The following ROBO2 variants were observed in gnomAD, a reference collection of about 807,000 sequenced individuals.
ROBO2 encodes roundabout homolog 2.
Under a neutral mutation model 160.8 loss-of-function variants are expected in ROBO2, and 53 were observed. That is an observed-to-expected ratio of 0.33 (90% CI 0.26 to 0.41). The LOEUF (loss-of-function observed/expected upper bound fraction) is 0.41. ROBO2 is among the 10% of genes least tolerant of loss of function. ROBO2 has a pLI of 1.00. For missense variants in ROBO2, 1,577 were observed against 1,722.4 expected (o/e 0.92, Z 1.49); for synonymous variants, 664 against 611.7 (o/e 1.09, Z -1.26).
intron 2 of ROBO2, among the ~76,000 whole-genome samples, chr3:76,539,435 C>A (rs1214760676): frequency 1.3e-5 from 2 of 151,726 alleles, no homozygotes; most frequent in Admixed American, 6.6e-5. Flanking sequence ...GGATAGTAGG[C>A]CACAAAATTC....
At chr3:76,620,611 C>A (rs2088989152) in intron 2 of ROBO2, among the ~76,000 whole-genome samples, 1 of 151,906 alleles carries the variant, frequency 6.6e-6, no homozygotes, top group South Asian at 2.1e-4. Flanking sequence ...TAATATTTGT[C>A]TTTTTAAAAC....
intron 2 of ROBO2, among the ~76,000 whole-genome samples, chr3:76,928,827 C>T (rs537891144): frequency 1.3e-5 from 2 of 152,182 alleles, no homozygotes; most frequent in Admixed American, 1.3e-4. Context: ...CCGTGGTTAA[C>T]TCATCTCATC....
At chr3:77,242,141 A>C (rs1220798967) in intron 2 of ROBO2, among the ~76,000 whole-genome samples, 1 of 152,188 alleles carries the variant, frequency 6.6e-6, no homozygotes, top group East Asian at 1.9e-4. Flanking sequence ...AGGGACTATT[A>C]GTGTTAAAGA....
At chr3:77,147,725 A>C (rs1248316528) in intron 2 of ROBO2, among the ~76,000 whole-genome samples, 1 of 152,174 alleles carries the variant, frequency 6.6e-6, no homozygotes, top group African/African-American at 2.4e-5. Flanking sequence ...ACTTTCTTCT[A>C]ATTTTATTGT....
intron 2 of ROBO2, among the ~76,000 whole-genome samples, chr3:76,315,866 T>G (rs1232121596): frequency 6.6e-6 from 1 of 152,086 alleles, no homozygotes; most frequent in East Asian, 1.9e-4. Flanking sequence ...TCAACATAGG[T>G]TCTTTCTATT....
chr3:77,311,933 A>G (rs1580960723), intron 2 of ROBO2, among the ~76,000 whole-genome samples: 1 of 152,100 alleles, frequency 6.6e-6, no homozygotes, highest in Non-Finnish European at 1.5e-5. Context: ...CTAAAAATAT[A>G]AAGATAGCTG....
At chr3:76,497,058 C>T (rs2080188495) in intron 2 of ROBO2, among the ~76,000 whole-genome samples, 1 of 152,172 alleles carries the variant, frequency 6.6e-6, no homozygotes, top group African/African-American at 2.4e-5. Flanking sequence ...TGGCTTCTGT[C>T]TCCTTGGCCC....
At chr3:76,504,769 C>T (rs1360971177) in intron 2 of ROBO2, among the ~76,000 whole-genome samples, 2 of 151,990 alleles carry the variant, frequency 1.3e-5, no homozygotes, top group African/African-American at 4.8e-5. Flanking sequence ...ACCTCGTGAG[C>T]CACCCACCTT....
At chr3:76,555,125 G>C (rs1053112111) in intron 2 of ROBO2, among the ~76,000 whole-genome samples, 1 of 151,936 alleles carries the variant, frequency 6.6e-6, no homozygotes, top group African/African-American at 2.4e-5. Flanking sequence ...TGAAATGGAG[G>C]ACATTCAATT....
At chr3:77,029,725 T>C (rs2149545570) in intron 2 of ROBO2, among the ~76,000 whole-genome samples, 1 of 152,302 alleles carries the variant, frequency 6.6e-6, no homozygotes, top group East Asian at 1.9e-4. Context: ...ATACAAAGAA[T>C]TAAAAATGTG....
At chr3:76,580,343 T>TTTTTTTTTTTG (rs2085610991) in intron 2 of ROBO2, among the ~76,000 whole-genome samples, 2 of 7,296 alleles carry the variant, frequency 2.7e-4, no homozygotes, top group South Asian at 5.7e-3. Flanking sequence ...TTTTTTTGTG[T>TTTTTTTTTTTG]TTTTTTTTTT....
At chr3:77,450,201 A>G (rs190281908) in intron 2 of ROBO2, among the ~76,000 whole-genome samples, 63 of 152,276 alleles carry the variant, frequency 4.1e-4, no homozygotes, top group South Asian at 3.9e-3. Context: ...TTGAGAATCC[A>G]GTTGTTAGAA....
At chr3:76,686,877 G>C (rs2092697601) in intron 2 of ROBO2, among the ~76,000 whole-genome samples, 1 of 152,006 alleles carries the variant, frequency 6.6e-6, no homozygotes, top group East Asian at 1.9e-4. Context: ...TCTAATACCT[G>C]ACCCATTTCT....
chr3:76,949,765 T>G (rs558666989), intron 2 of ROBO2, among the ~76,000 whole-genome samples: 4 of 152,314 alleles, frequency 2.6e-5, no homozygotes, highest in African/African-American at 2.4e-5. Flanking sequence ...CCAGGCACAG[T>G]GGTGCAGTCT....
At chr3:76,436,561 T>G (rs769017814) in intron 2 of ROBO2, among the ~76,000 whole-genome samples, 2 of 152,208 alleles carry the variant, frequency 1.3e-5, no homozygotes. Context: ...GCAACTTTTT[T>G]TTTTGGTGGG....
intron 2 of ROBO2, among the ~76,000 whole-genome samples, chr3:76,873,029 A>G (rs6765104): frequency 0.05 from 7,593 of 152,254 alleles, 636 homozygotes; most frequent in African/African-American, 0.17. Context: ...AATATATTTT[A>G]CAAAAATAGA....
At chr3:77,308,965 A>G (rs1045931144) in intron 2 of ROBO2, among the ~76,000 whole-genome samples, 5 of 152,170 alleles carry the variant, frequency 3.3e-5, no homozygotes, top group Middle Eastern at 3.2e-3. Context: ...TTTCTCGACC[A>G]TAAATCAAGA....
At chr3:77,403,803 A>T (rs942229655) in intron 2 of ROBO2, among the ~76,000 whole-genome samples, 1 of 152,094 alleles carries the variant, frequency 6.6e-6, no homozygotes, top group Admixed American at 6.6e-5. Flanking sequence ...ATTTCTATGT[A>T]CCAAACATTT....
At chr3:76,860,905 G>A (rs143885898) in intron 2 of ROBO2, among the ~76,000 whole-genome samples, 46 of 152,126 alleles carry the variant, frequency 3.0e-4, no homozygotes, top group Admixed American at 7.2e-4. Context: ...GTGTGTGTGC[G>A]TGTGTGTGTA....
Sources: allele counts gnomAD v4.1 joint callset (sites outside exome capture counted in the v4.1 genomes callset), GRCh38; gene constraint gnomAD v4.1.1; transcripts MANE v1.5; gene names NCBI Gene and HGNC (gene_info 2026-07-23, HGNC 2026-07-21).